The following IQGAP1 variants were observed in gnomAD, a reference collection of about 807,000 sequenced individuals.
IQGAP1 encodes IQ motif containing GTPase activating protein 1.
A neutral mutation model predicts 215.6 loss-of-function variants in IQGAP1; 66 were observed. That is an observed-to-expected ratio of 0.31 (90% CI 0.25 to 0.38). The LOEUF is 0.38. IQGAP1 is among the 10% of genes least tolerant of loss of function. IQGAP1 has a pLI of 1.00. For missense variants in IQGAP1, 1,712 were observed against 1,997.1 expected, an observed-to-expected ratio of 0.86 and a Z score of 2.72; for synonymous variants, 772 against 728.7, an observed-to-expected ratio of 1.06 and a Z score of -0.96.
intron 2 of IQGAP1, among the ~76,000 whole-genome samples, chr15:90,407,593 T>C (rs1355842019): frequency 6.6e-6 from 1 of 152,252 alleles, no homozygotes; most frequent in East Asian, 1.9e-4. Context: ...TGTGTAACAG[T>C]TTAATGGAAG....
At chr15:90,467,389 G>C in intron 17 of IQGAP1, 61 bp from the exon 18 acceptor site, 1 of 1,521,078 alleles carries the variant, frequency 6.6e-7, no homozygotes, top group Non-Finnish European at 8.9e-7. Context: ...CTGCAGTTCT[G>C]GACGTACAGC....
intron 3 of IQGAP1, among the ~76,000 whole-genome samples, chr15:90,429,128 C>T (rs1041469972): frequency 1.3e-5 from 2 of 152,188 alleles, no homozygotes; most frequent in Non-Finnish European, 2.9e-5. Flanking sequence ...GCTGGGATTA[C>T]AGGAATGAGC....
At chr15:90,399,615 ATAGTT>A (rs1306302253) in intron 2 of IQGAP1, among the ~76,000 whole-genome samples, 2 of 152,186 alleles carry the variant, frequency 1.3e-5, no homozygotes, top group African/African-American at 4.8e-5. Context: ...CGAAGTCTAG[ATAGTT>A]TAATTTCTCT....
At chr15:90,408,253 G>A (rs1964908665) in intron 2 of IQGAP1, among the ~76,000 whole-genome samples, 3 of 152,120 alleles carry the variant, frequency 2.0e-5, no homozygotes. Context: ...GGTATGTGGG[G>A]GTTGTGGTAG....
intron 29 of IQGAP1, 61 bp downstream of exon 29, chr15:90,483,654 A>G: frequency 4.0e-6 from 5 of 1,241,164 alleles, no homozygotes; most frequent in South Asian, 1.2e-5. Flanking sequence ...TGTTGAGGGG[A>G]AAAATAAGAT....
At chr15:90,388,569 G>C (rs1964586194) in intron 1 of IQGAP1, among the ~76,000 whole-genome samples, 173 bp downstream of exon 1, 1 of 152,020 alleles carries the variant, frequency 6.6e-6, no homozygotes, top group African/African-American at 2.4e-5. Context: ...CCCCTGGTTC[G>C]CGCCCCCTCG....
intron 2 of IQGAP1, among the ~76,000 whole-genome samples, chr15:90,392,634 C>G (rs147165247): frequency 0.013 from 1,950 of 152,174 alleles, 12 homozygotes; most frequent in Non-Finnish European, 0.02. Flanking sequence ...CCCCCAAACA[C>G]TACCAATAAC....
At chr15:90,474,236 G>T in intron 22 of IQGAP1, 103 bp downstream of exon 22, 1 of 1,070,160 alleles carries the variant, frequency 9.3e-7, no homozygotes, top group Non-Finnish European at 1.3e-6. Flanking sequence ...GGCAAGGCTT[G>T]GGGGAGAGGG....
chr15:90,485,980 C>T lies in IQGAP1; in HGVS notation c.3922-50C>T, dbSNP rs149708885. 5.3e-3 allele frequency: 7,216 copies of T among 1,359,258 alleles called. 29 individuals carry two copies. The highest frequency in any genetic ancestry group is 5.9e-3 in the Non-Finnish European group (5,607 of 957,294). The allele number at this position is 1,359,258 out of a possible 1,614,324, so 84.2% of individuals were successfully genotyped here. On this transcript the variant is annotated intron_variant, in intron 30 of 37. Coordinates refer to ENST00000268182, the MANE Select transcript of IQGAP1 (RefSeq NM_003870.4). ...CATTGTTAGACATTCTAGGGAGGGA[C>T]GGGCTGAAGAGTTGAATGTATAAAT...
chr15:90,437,519 G>C (rs1965386679), intron 5 of IQGAP1, among the ~76,000 whole-genome samples: 1 of 152,040 alleles, frequency 6.6e-6, no homozygotes, highest in African/African-American at 2.4e-5. Flanking sequence ...AAAATATATA[G>C]AAAGTTATTA....
chr15:90,488,272 A>T (rs1200219593), intron 33 of IQGAP1, among the ~76,000 whole-genome samples: 1 of 151,602 alleles, frequency 6.6e-6, no homozygotes, highest in Non-Finnish European at 1.5e-5. Flanking sequence ...AAAATGTTGT[A>T]GTATTTGCAT....
chr15:90,499,524 G>C (rs927711629), intron 37 of IQGAP1, among the ~76,000 whole-genome samples: 1 of 152,144 alleles, frequency 6.6e-6, no homozygotes, highest in African/African-American at 2.4e-5. Context: ...ATAGTATTAA[G>C]GTGACATTAC....
At chr15:90,473,100 GT>G (rs1016080605) in intron 19 of IQGAP1, 90 bp downstream of exon 19, 3 of 1,207,448 alleles carry the variant, frequency 2.5e-6, no homozygotes, top group African/African-American at 3.0e-5. Flanking sequence ...GTCTGAGTGT[GT>G]TTTTTGAGTG....
intron 3 of IQGAP1, among the ~76,000 whole-genome samples, chr15:90,426,953 C>CAAA (rs56984277): frequency 7.5e-5 from 7 of 93,882 alleles, no homozygotes; most frequent in African/African-American, 2.2e-4. Flanking sequence ...GACTCCATCT[C>CAAA]AAAAAAAAAA....
chr15:90,464,900 C>T (rs1413534901), intron 15 of IQGAP1, among the ~76,000 whole-genome samples: 1 of 151,926 alleles, frequency 6.6e-6, no homozygotes, highest in Non-Finnish European at 1.5e-5. Context: ...TTCTACTAAT[C>T]TAATTCTGTT....
At chr15:90,437,335 A>G (rs1199706905) in intron 5 of IQGAP1, among the ~76,000 whole-genome samples, 1 of 152,202 alleles carries the variant, frequency 6.6e-6, no homozygotes, top group African/African-American at 2.4e-5. Flanking sequence ...GGACAGGGAC[A>G]CAGACCCAAA....
chr15:90,470,743 T>C (rs924354198), intron 18 of IQGAP1, among the ~76,000 whole-genome samples: 3 of 152,122 alleles, frequency 2.0e-5, no homozygotes, highest in Non-Finnish European at 4.4e-5. Context: ...AAAACTCTTA[T>C]TTTAGAATTC....
intron 3 of IQGAP1, among the ~76,000 whole-genome samples, chr15:90,426,507 C>A (rs543815483): frequency 7.0e-6 from 1 of 142,030 alleles, no homozygotes; most frequent in South Asian, 2.5e-4. Context: ...CCTGTCCCCC[C>A]ACAAAAAAAT....
chr15:90,467,612 G>GTT lies in IQGAP1; in HGVS notation c.2178+21_2178+22insTT. 6.3e-7 allele frequency: 1 copy of GTT among 1,592,762 alleles called. No homozygotes were observed. The highest frequency in any genetic ancestry group is 8.5e-7 in the Non-Finnish European group (1 of 1,172,388). ...ATCCAGGTAGGTTACCTTTCTTCACGTAAGAAGAAGCTGAGAGAAAGTGTT... is the reference window on the plus strand; with the variant it reads ...ATCCAGGTAGGTTACCTTTCTTCACGTTTAAGAAGAAGCTGAGAGAAAGTGTT... On this transcript the variant is annotated intron_variant, in intron 18 of 37. Coordinates refer to ENST00000268182, the MANE Select transcript of IQGAP1 (RefSeq NM_003870.4).
Sources: allele counts gnomAD v4.1 joint callset (sites outside exome capture counted in the v4.1 genomes callset), GRCh38; gene constraint gnomAD v4.1.1; transcripts MANE v1.5; gene names NCBI Gene and HGNC (gene_info 2026-07-23, HGNC 2026-07-21).